Variants in SGIP1 observed in about 807,000 individuals in gnomAD.
The protein encoded by SGIP1 is SH3GL interacting endocytic adaptor 1, also known as SH3-containing GRB2-like protein 3-interacting protein 1.
In SGIP1, 38 loss-of-function variants were observed where a neutral mutation model predicts 107.5. The observed-to-expected ratio is 0.35, with a 90% confidence interval of 0.27 to 0.46. The LOEUF is 0.46. SGIP1 is among the 20% of genes least tolerant of loss of function. SGIP1 has a pLI of 1.00. For missense variants in SGIP1, 929 were observed against 1,019.5 expected, an observed-to-expected ratio of 0.91 and a Z score of 1.21; for synonymous variants, 365 against 366.1, an observed-to-expected ratio of 1.00 and a Z score of 0.03.
chr1:66,641,332 T>G (rs1040615558), intron 5 of SGIP1, among the ~76,000 whole-genome samples: 1 of 152,150 alleles, frequency 6.6e-6, no homozygotes, highest in Non-Finnish European at 1.5e-5. Context: ...TAAAAAAGAT[T>G]TTTTTAATGG....
chr1:66,632,779 G>A (rs1027950218), intron 2 of SGIP1, among the ~76,000 whole-genome samples: 5 of 152,170 alleles, frequency 3.3e-5, no homozygotes, highest in Non-Finnish European at 7.3e-5. Flanking sequence ...AGCTAGAGTG[G>A]AGTCTCTTTA....
chr1:66,634,843 G>A (rs147207040), intron 3 of SGIP1, among the ~76,000 whole-genome samples: 3 of 152,252 alleles, frequency 2.0e-5, no homozygotes, highest in African/African-American at 7.2e-5. Context: ...AGTTTTCCAC[G>A]TTTACTATGG....
intron 19 of SGIP1, among the ~76,000 whole-genome samples, chr1:66,719,858 C>T (rs2093435312): frequency 6.6e-6 from 1 of 152,080 alleles, no homozygotes; most frequent in Non-Finnish European, 1.5e-5. Context: ...AAAGAAAAAA[C>T]ACCTTCTCAA....
chr1:66,595,425 A>G (rs1282977878), intron 1 of SGIP1, among the ~76,000 whole-genome samples: 1 of 152,206 alleles, frequency 6.6e-6, no homozygotes, highest in Non-Finnish European at 1.5e-5. Context: ...GCCACAAAGA[A>G]GTCATCAGTC....
At position 66,716,935 on chromosome 1, in the gene SGIP1, G is replaced by A. The variant is rs146637345; in HGVS notation, c.1631-2359G>A. On this transcript the variant is annotated intron_variant, in intron 18 of 24. Transcript: ENST00000371037. Reference sequence around the variant, plus strand: ...TACACACACAAATACCACACTTCCCGTGGTTTCTTAAAATGTGTCTGCTCA... The same window carrying A: ...TACACACACAAATACCACACTTCCCATGGTTTCTTAAAATGTGTCTGCTCA... Among the ~76,000 whole-genome samples, 55 of 151,930 alleles carry A rather than the reference G, an allele frequency of 3.6e-4. No homozygotes were observed. The East Asian group carries it at 9.7e-3, about 27-fold the overall frequency.
rs377228603 is a variant in SGIP1, at chr1:66,547,868, A to C, written c.10+13500A>C. ...GTGGTAATGGAAGGTTTTTCTGAGA[A>C]GGGGCACTTGAACTGAGACCCCTAT... On this transcript the variant is annotated intron_variant, in intron 1 of 24. Transcript: ENST00000371037. Among the ~76,000 whole-genome samples the C allele has an allele frequency of 1.1e-4, 16 of 152,252 alleles. No homozygotes were observed. The East Asian group carries it at 1.9e-3, about 18-fold the overall frequency.
chr1:66,573,695 G>A (rs562284497), intron 1 of SGIP1, among the ~76,000 whole-genome samples: 1 of 152,064 alleles, frequency 6.6e-6, no homozygotes, highest in South Asian at 2.1e-4. Context: ...ACTTATAAGT[G>A]GAAGCTAAAT....
chr1:66,648,776 G>A (rs2078147642), intron 7 of SGIP1, among the ~76,000 whole-genome samples: 1 of 152,186 alleles, frequency 6.6e-6, no homozygotes, highest in South Asian at 2.1e-4. Flanking sequence ...TTAATCACAA[G>A]CCAGTGTGTA....
In SGIP1 at chr1:66,750,036, GGTGTGTGTGTGTGTGTGT is replaced by G. The variant is rs1197339481; in HGVS notation, c.*6956_*6973del. ...CTCTCTTTCTCTGTGTGTGTGTGGG[GGTGTGTGTGTGTGTGTGT>G]GTGTGTGTGTGTGTCTCTTTCCTCT... On this transcript the variant is annotated 3_prime_UTR_variant, in exon 25 of 25. Transcript: ENST00000371037. 1.7e-5 allele frequency among the ~76,000 whole-genome samples: 2 copies of G among 119,072 alleles called. No individual in the cohort carries two copies. Among genetic ancestry groups the G allele is most frequent in the African/African-American group, 6.4e-5 (2 of 31,448 alleles). 78.1% of individuals were successfully genotyped at this position (119,072 alleles called of 152,430 possible).
At chr1:66,711,386 G>T (rs1259162442) in intron 18 of SGIP1, among the ~76,000 whole-genome samples, 3 of 151,948 alleles carry the variant, frequency 2.0e-5, no homozygotes, top group African/African-American at 4.8e-5. Context: ...ACAGGGTAAG[G>T]GTAAAACCCA....
chr1:66,691,517 CATT>C (rs1352869729), intron 17 of SGIP1, among the ~76,000 whole-genome samples: 3 of 152,154 alleles, frequency 2.0e-5, no homozygotes, highest in Non-Finnish European at 4.4e-5. Context: ...AGATATTTAA[CATT>C]ATTTATGTAG....
At chr1:66,702,787 G>A (rs939700956) in intron 18 of SGIP1, among the ~76,000 whole-genome samples, 10 of 152,096 alleles carry the variant, frequency 6.6e-5, no homozygotes, top group African/African-American at 2.2e-4. Flanking sequence ...GTCATACAAA[G>A]GCCAATAGGT....
intron 1 of SGIP1, among the ~76,000 whole-genome samples, chr1:66,593,302 A>G (rs1286933406): frequency 1.3e-5 from 2 of 152,188 alleles, no homozygotes; most frequent in Admixed American, 1.3e-4. Context: ...TCATTTTACT[A>G]AATACCAAGG....
At chr1:66,685,031 T>G (rs1257351411) in intron 15 of SGIP1, among the ~76,000 whole-genome samples, 1 of 152,252 alleles carries the variant, frequency 6.6e-6, no homozygotes, top group African/African-American at 2.4e-5. Context: ...GTTTATTTGC[T>G]GCTTAATCTT....
chr1:66,543,649 T>C (rs904622494), intron 1 of SGIP1, among the ~76,000 whole-genome samples: 1 of 152,096 alleles, frequency 6.6e-6, no homozygotes, highest in Non-Finnish European at 1.5e-5. Flanking sequence ...AATGTGACCA[T>C]TTATAGCTCT....
At chr1:66,594,381 CT>C (rs1416242326) in intron 1 of SGIP1, among the ~76,000 whole-genome samples, 5 of 152,242 alleles carry the variant, frequency 3.3e-5, no homozygotes, top group East Asian at 3.9e-4. Flanking sequence ...GTAAATATAA[CT>C]TTTTTTCAGT....
chr1:66,607,735 G>A (rs2067136738), intron 1 of SGIP1, among the ~76,000 whole-genome samples: 1 of 152,182 alleles, frequency 6.6e-6, no homozygotes, highest in Non-Finnish European at 1.5e-5. Context: ...CTTTAGAGGT[G>A]AAGCCTACTT....
chr1:66,732,798 G>A (rs1332438321), intron 20 of SGIP1, among the ~76,000 whole-genome samples: 1 of 151,810 alleles, frequency 6.6e-6, no homozygotes, highest in African/African-American at 2.4e-5. Flanking sequence ...CCTTTGCAGG[G>A]TAGATTTTAA....
intron 7 of SGIP1, chr1:66,660,213 A>AAGAAAGAG (rs2081152652): frequency 5.0e-6 from 1 of 200,190 alleles, no homozygotes; most frequent in Non-Finnish European, 8.0e-6. Flanking sequence ...GAAAGAAAGA[A>AAGAAAGAG]AGAGAAAGAA....
Sources: gnomAD v4.1 joint callset for allele counts (sites outside exome capture counted in the v4.1 genomes callset) on GRCh38, gnomAD v4.1.1 for gene constraint, MANE v1.5 for transcripts, NCBI Gene and HGNC (gene_info 2026-07-23, HGNC 2026-07-21) for gene names.